PTGER3: variants seen among roughly 807,000 people sequenced by gnomAD.
PTGER3 encodes prostaglandin E receptor 3, also known as prostaglandin E2 receptor EP3 subtype.
Under a neutral mutation model 34.7 loss-of-function variants are expected in PTGER3, and 22 were observed. The ratio of observed to expected loss-of-function variants is 0.63; its 90% CI spans 0.45 to 0.91. The LOEUF (loss-of-function observed/expected upper bound fraction) is 0.91, where lower values mean the gene tolerates loss of function less well. PTGER3 is among the 40% of genes least tolerant of loss of function. PTGER3 has a pLI of 0.00. For synonymous variants in PTGER3, 241 were observed against 230.1 expected (o/e 1.05, Z -0.43); for missense variants, 468 against 519.4 (o/e 0.90, Z 0.96).
intron 2 of PTGER3, among the ~76,000 whole-genome samples, chr1:70,991,560 C>A (rs965548325): frequency 1.3e-5 from 2 of 152,186 alleles, no homozygotes; most frequent in Non-Finnish European, 2.9e-5. Flanking sequence ...CAGGGAGATG[C>A]ATTCCGTGCC....
At chr1:70,904,700 G>A (rs1351479699) in intron 4 of PTGER3, among the ~76,000 whole-genome samples, 1 of 152,212 alleles carries the variant, frequency 6.6e-6, no homozygotes, top group Non-Finnish European at 1.5e-5. Context: ...CATTCAAGAT[G>A]TGACTTGGGT....
chr1:70,902,122 C>G (rs1360560177), intron 4 of PTGER3, among the ~76,000 whole-genome samples: 2 of 152,092 alleles, frequency 1.3e-5, no homozygotes, highest in Non-Finnish European at 2.9e-5. Context: ...AGAAAAGATA[C>G]CTATAAGTCA....
intron 1 of PTGER3, among the ~76,000 whole-genome samples, chr1:71,013,007 T>C (rs1657581838): frequency 6.6e-6 from 1 of 152,176 alleles, no homozygotes; most frequent in South Asian, 2.1e-4. Flanking sequence ...GAGTTCTTCA[T>C]ATGCATTTAA....
chr1:71,042,261 C>A lies in PTGER3; in HGVS notation c.897+4420G>T, dbSNP rs945211657. ...TCATTCCCATTGATCTAGTGTGCAC[C>A]CTTTGTTCTCATTGGGCTGGGTTTT... is the stretch of plus-strand genomic sequence containing the variant. On this transcript the variant is annotated intron_variant, in intron 1 of 3. Transcript: ENST00000306666. 2.4e-4 allele frequency among the ~76,000 whole-genome samples: 35 copies of A among 148,742 alleles called. 1 individual carries two copies. Among genetic ancestry groups the A allele is most frequent in the African/African-American group, 2.5e-5 (1 of 40,048 alleles).
intron 4 of PTGER3, among the ~76,000 whole-genome samples, chr1:70,934,247 C>T (rs961693748): frequency 1.2e-4 from 18 of 152,160 alleles, no homozygotes; most frequent in Admixed American, 1.1e-3. Context: ...CAACCAACAA[C>T]TCCAACCAAG....
At chr1:70,973,871 A>G (rs1393126109) in intron 3 of PTGER3, among the ~76,000 whole-genome samples, 1 of 152,146 alleles carries the variant, frequency 6.6e-6, no homozygotes, top group Admixed American at 6.5e-5. Context: ...TCATTGAAGT[A>G]CATGTTTTAT....
At chr1:71,026,830 C>T (rs1487312284) in intron 1 of PTGER3, among the ~76,000 whole-genome samples, 15 of 151,982 alleles carry the variant, frequency 9.9e-5, no homozygotes, top group Non-Finnish European at 1.5e-5. Context: ...TTTTGGATAA[C>T]TTTTTCTCTG....
chr1:71,012,745 G>C (rs1657554782), intron 1 of PTGER3, among the ~76,000 whole-genome samples: 2 of 152,094 alleles, frequency 1.3e-5, no homozygotes, highest in Non-Finnish European at 2.9e-5. Flanking sequence ...TGGAATTTAA[G>C]AAGCTTGAAA....
At chr1:70,885,446 T>TAGATCCA (rs1646478376) in intron 4 of PTGER3, among the ~76,000 whole-genome samples, 1 of 152,256 alleles carries the variant, frequency 6.6e-6, no homozygotes, top group African/African-American at 2.4e-5. Flanking sequence ...CCATAAGACT[T>TAGATCCA]TATGATCTAG....
chr1:70,920,913 T>C (rs1037841019), intron 4 of PTGER3, among the ~76,000 whole-genome samples: 2 of 152,184 alleles, frequency 1.3e-5, no homozygotes, highest in African/African-American at 4.8e-5. Flanking sequence ...ATGCATATTC[T>C]ATACAAGACT....
chr1:70,865,593 A>C, intron 4 of PTGER3: 1 of 1,252,678 alleles, frequency 8.0e-7, no homozygotes, highest in East Asian at 4.7e-5. Context: ...ACAGAGATGA[A>C]AGATGGTAAG....
intron 4 of PTGER3, among the ~76,000 whole-genome samples, chr1:70,882,532 A>G (rs1646411999): frequency 6.6e-6 from 1 of 152,154 alleles, no homozygotes; most frequent in Non-Finnish European, 1.5e-5. Flanking sequence ...AGACACTGCA[A>G]ATGTGGCCTC....
intron 4 of PTGER3, among the ~76,000 whole-genome samples, chr1:70,875,589 C>G (rs1294026830): frequency 6.6e-6 from 1 of 152,018 alleles, no homozygotes; most frequent in Non-Finnish European, 1.5e-5. Flanking sequence ...AACAGAGTAC[C>G]TGATAAGGAA....
chr1:71,012,547 C>T, intron 1 of PTGER3, 63 bp from the exon 2 acceptor site: 1 of 1,397,602 alleles, frequency 7.2e-7, no homozygotes, highest in Non-Finnish European at 9.8e-7. Flanking sequence ...CTCCTCTACA[C>T]TGTACTTTGC....
chr1:70,853,591 T>C (rs1232167875), intron 4 of PTGER3, among the ~76,000 whole-genome samples: 2 of 152,212 alleles, frequency 1.3e-5, no homozygotes, highest in Non-Finnish European at 2.9e-5. Flanking sequence ...GTGATAATAA[T>C]ATTGTGGTTT....
chr1:70,936,045 A>G (rs510414), intron 4 of PTGER3, among the ~76,000 whole-genome samples: 138,693 of 152,226 alleles, frequency 0.91, 63,256 homozygotes, highest in African/African-American at 0.95. Flanking sequence ...TATGAAAAAC[A>G]TCTAGTATGA....
chr1:70,951,223 A>C (rs922352443), downstream of PTGER3: 5 of 152,158 alleles, frequency 3.3e-5, no homozygotes, highest in African/African-American at 1.2e-4. Flanking sequence ...CCATTTTTGA[A>C]TAATAAAAGA....
downstream of PTGER3, among the ~76,000 whole-genome samples, chr1:70,952,205 G>C (rs149387449): frequency 2.3e-4 from 35 of 152,232 alleles, no homozygotes; most frequent in East Asian, 6.6e-3. Context: ...TGAAGGTAGA[G>C]TCAACAGTAC....
intron 4 of PTGER3, among the ~76,000 whole-genome samples, chr1:70,870,741 A>C (rs1225802177): frequency 6.6e-6 from 1 of 152,182 alleles, no homozygotes; most frequent in African/African-American, 2.4e-5. Flanking sequence ...CATGGATACA[A>C]TACAGCCAAA....
Sources: allele counts gnomAD v4.1 joint callset (sites outside exome capture counted in the v4.1 genomes callset), GRCh38; gene constraint gnomAD v4.1.1; transcripts MANE v1.5; gene names NCBI Gene and HGNC (gene_info 2026-07-23, HGNC 2026-07-21).